PCSK5: variants seen among roughly 807,000 people sequenced by gnomAD.
The protein encoded by PCSK5 is prohormone convertase 5.
In PCSK5, 129 loss-of-function variants were observed where a neutral mutation model predicts 233.2. The ratio of observed to expected loss-of-function variants is 0.55; its 90% CI spans 0.48 to 0.64. PCSK5 has a LOEUF of 0.64. Among genes scored for constraint, PCSK5 ranks in the 30% least tolerant of loss-of-function variants. The pLI, the probability that PCSK5 is intolerant of heterozygous loss-of-function variation, is 0.00. For missense variants in PCSK5, 2,076 were observed against 2,430.1 expected, an observed-to-expected ratio of 0.85 and a Z score of 3.06; for synonymous variants, 825 against 879.2, an observed-to-expected ratio of 0.94 and a Z score of 1.09.
intron 30 of PCSK5, among the ~76,000 whole-genome samples, chr9:76,318,290 G>T (rs1262182010): frequency 1.3e-5 from 2 of 151,986 alleles, no homozygotes; most frequent in African/African-American, 4.8e-5. Flanking sequence ...CACAGGGAGG[G>T]GAACATCACA....
At chr9:75,964,249 T>G (rs1473708234) in intron 2 of PCSK5, among the ~76,000 whole-genome samples, 3 of 152,182 alleles carry the variant, frequency 2.0e-5, no homozygotes, top group African/African-American at 7.2e-5. Flanking sequence ...CATACTTAGG[T>G]AGCTCAGATC....
chr9:75,958,389 T>A lies in PCSK5; in HGVS notation c.297+25906T>A, dbSNP rs1403227001. On this transcript the variant is annotated intron_variant, in intron 2 of 37. Coordinates refer to ENST00000674117, the MANE Select transcript of PCSK5 (RefSeq NM_001372043.1). Reference sequence around the variant, plus strand: ...GGGGAGGAGAATGAAACGAGTTTATTAGGCTGTTTTACTCGGTATGCTTAA... The same window carrying A: ...GGGGAGGAGAATGAAACGAGTTTATAAGGCTGTTTTACTCGGTATGCTTAA... 2.6e-5 allele frequency among the ~76,000 whole-genome samples: 4 copies of A among 152,166 alleles called. No homozygotes were observed. The East Asian group carries it at 7.7e-4, about 29-fold the overall frequency.
chr9:76,284,357 A>G (rs1827986152), intron 24 of PCSK5, among the ~76,000 whole-genome samples: 1 of 152,058 alleles, frequency 6.6e-6, no homozygotes, highest in Non-Finnish European at 1.5e-5. Flanking sequence ...TTCTCATGAT[A>G]GTGAATAAGT....
intron 24 of PCSK5, among the ~76,000 whole-genome samples, chr9:76,256,849 G>A (rs1014112542): frequency 9.2e-5 from 14 of 152,156 alleles, no homozygotes; most frequent in African/African-American, 3.1e-4. Context: ...GAAAATCTTG[G>A]GCAAGCCCTT....
rs1396878304 is a variant in PCSK5 at position 76,067,806 on chromosome 9, C to T, written c.633-149C>T. ...ATCTAATTAAGTGCTAGAAGTTTGC[C>T]ATGGACAGACAAAGTGCTACTTGGG... On this transcript the variant is annotated intron_variant, in intron 5 of 37. Coordinates refer to ENST00000674117, the MANE Select transcript of PCSK5 (RefSeq NM_001372043.1). The T allele has an allele frequency of 1.1e-5, 7 of 640,496 alleles. No homozygotes were observed. In the East Asian group the frequency reaches 1.8e-4, roughly 17 times the overall value. 39.7% of individuals were successfully genotyped at this position (640,496 alleles called of 1,614,324 possible). A position where few individuals can be genotyped will look rare whatever the true frequency, so the allele number is the denominator to read the frequency against.
At chr9:76,036,273 T>G (rs942519949) in intron 5 of PCSK5, among the ~76,000 whole-genome samples, 36 of 152,320 alleles carry the variant, frequency 2.4e-4, no homozygotes, top group African/African-American at 8.4e-4. Flanking sequence ...ATACCAATGA[T>G]AGGTATGCAT....
At chr9:76,186,467 T>A (rs1460031618) in intron 17 of PCSK5, among the ~76,000 whole-genome samples, 1 of 152,236 alleles carries the variant, frequency 6.6e-6, no homozygotes, top group Non-Finnish European at 1.5e-5. Context: ...AGTAGCCATG[T>A]GTGCCAGATT....
intron 4 of PCSK5, among the ~76,000 whole-genome samples, chr9:76,024,363 A>G (rs2131488368): frequency 6.6e-6 from 1 of 152,348 alleles, no homozygotes; most frequent in African/African-American, 2.4e-5. Flanking sequence ...AAATTCATTT[A>G]GTTCTCATTT....
intron 20 of PCSK5, among the ~76,000 whole-genome samples, chr9:76,204,654 G>GA (rs1310673288): frequency 6.6e-6 from 1 of 152,056 alleles, no homozygotes; most frequent in African/African-American, 2.4e-5. Flanking sequence ...TCCCACTCCA[G>GA]ACTCTAAGCA....
chr9:76,114,805 T>C (rs1226374865), intron 9 of PCSK5, among the ~76,000 whole-genome samples: 7 of 152,152 alleles, frequency 4.6e-5, no homozygotes, highest in Admixed American at 1.3e-4. Flanking sequence ...ACCAGACCTT[T>C]TCCTTGTATA....
At chr9:76,009,701 T>C (rs1827646238) in intron 3 of PCSK5, among the ~76,000 whole-genome samples, 1 of 152,026 alleles carries the variant, frequency 6.6e-6, no homozygotes, top group South Asian at 2.1e-4. Context: ...TATATATATT[T>C]ATATATGAGA....
chr9:76,019,172 G>C (rs1828076018), intron 3 of PCSK5, among the ~76,000 whole-genome samples: 1 of 152,080 alleles, frequency 6.6e-6, no homozygotes, highest in Non-Finnish European at 1.5e-5. Flanking sequence ...TTAAATGATG[G>C]TAATCCAGAT....
intron 7 of PCSK5, among the ~76,000 whole-genome samples, chr9:76,077,162 A>C (rs560852904): frequency 6.6e-6 from 1 of 152,172 alleles, no homozygotes; most frequent in South Asian, 2.1e-4. Context: ...CTGACCTTCC[A>C]TCTTTATCTG....
intron 7 of PCSK5, among the ~76,000 whole-genome samples, chr9:76,080,764 A>G (rs1294614065): frequency 6.6e-6 from 1 of 152,212 alleles, no homozygotes; most frequent in Non-Finnish European, 1.5e-5. Context: ...TGTAAGGATT[A>G]TATGATTAAT....
Position 76,154,703 on chromosome 9 carries a change from A to G in PCSK5, c.1313-2342A>G, listed in dbSNP as rs541865974. ...ACTGATCGGAGGTAGAGCTCCTGAC[A>G]TAACATCTTTGGTAAAAATTTCAAT... On this transcript the variant is annotated intron_variant, in intron 10 of 37. Transcript: ENST00000674117. Among the ~76,000 whole-genome samples the G allele has an allele frequency of 4.2e-3, 638 of 152,342 alleles. 4 individuals carry two copies. The highest frequency in any genetic ancestry group is 6.8e-3 in the Non-Finnish European group (463 of 68,030).
At chr9:76,131,322 A>G (rs1822754539) in intron 9 of PCSK5, among the ~76,000 whole-genome samples, 1 of 152,148 alleles carries the variant, frequency 6.6e-6, no homozygotes, top group South Asian at 2.1e-4. Flanking sequence ...TGAGCTAATT[A>G]TCTTCCCACA....
intron 1 of PCSK5, among the ~76,000 whole-genome samples, chr9:75,895,763 T>G (rs990215058): frequency 6.6e-6 from 1 of 152,188 alleles, no homozygotes; most frequent in African/African-American, 2.4e-5. Context: ...TTTGTATGAG[T>G]AAAGCTAGAA....
intron 5 of PCSK5, among the ~76,000 whole-genome samples, chr9:76,043,163 G>A (rs998025392): frequency 6.3e-5 from 9 of 141,792 alleles, no homozygotes; most frequent in African/African-American, 2.2e-4. Flanking sequence ...TGGCTAACAC[G>A]GTGAAACCCC....
chr9:76,243,112 A>C (rs1826479610), intron 24 of PCSK5, among the ~76,000 whole-genome samples: 1 of 152,244 alleles, frequency 6.6e-6, no homozygotes, highest in Non-Finnish European at 1.5e-5. Context: ...TGGACTCCAC[A>C]GCAGACACTG....
Sources: allele counts gnomAD v4.1 joint callset (sites outside exome capture counted in the v4.1 genomes callset), GRCh38; gene constraint gnomAD v4.1.1; transcripts MANE v1.5; gene names NCBI Gene and HGNC (gene_info 2026-07-23, HGNC 2026-07-21).